NELL1: variants seen among roughly 807,000 people sequenced by gnomAD.
NELL1 encodes protein kinase C-binding protein NELL1.
A neutral mutation model predicts 107.4 loss-of-function variants in NELL1; 76 were observed. The observed-to-expected ratio is 0.71, with a 90% CI of 0.59 to 0.86. The LOEUF is 0.86. Among genes scored for constraint, NELL1 ranks in the 40% least tolerant of loss-of-function variants. NELL1 has a pLI of 0.00. For missense variants in NELL1, 1,024 were observed against 1,005.5 expected (o/e 1.02, Z -0.25); for synonymous variants, 353 against 341.2 (o/e 1.03, Z -0.38).
intron 15 of NELL1, among the ~76,000 whole-genome samples, chr11:21,386,183 CA>C (rs201501809): frequency 3.2e-4 from 48 of 148,872 alleles, no homozygotes; most frequent in African/African-American, 9.8e-4. Context: ...CCACCCCCGC[CA>C]AAAAAAAACC....
chr11:21,457,631 G>A (rs1418843069), intron 15 of NELL1, among the ~76,000 whole-genome samples: 1 of 152,104 alleles, frequency 6.6e-6, no homozygotes, highest in Admixed American at 6.6e-5. Context: ...TCCACTTAGA[G>A]AAATCCAGTG....
chr11:21,560,626 G>C (rs112682008), intron 17 of NELL1, among the ~76,000 whole-genome samples: 4 of 152,156 alleles, frequency 2.6e-5, no homozygotes, highest in African/African-American at 9.6e-5. Context: ...GGCGAAGCAG[G>C]GTAGAAAAGC....
At chr11:20,677,653 G>T (rs533519628) in intron 1 of NELL1, among the ~76,000 whole-genome samples, 1 of 152,166 alleles carries the variant, frequency 6.6e-6, no homozygotes, top group South Asian at 2.1e-4. Flanking sequence ...CTAACACATG[G>T]CACCTTCTGA....
At chr11:20,941,096 G>T (rs1207444029) in intron 10 of NELL1, among the ~76,000 whole-genome samples, 1 of 152,076 alleles carries the variant, frequency 6.6e-6, no homozygotes, top group Non-Finnish European at 1.5e-5. Context: ...CTGAGATTGT[G>T]CCACTGCACT....
intron 4 of NELL1, among the ~76,000 whole-genome samples, chr11:20,862,547 C>T (rs911696211): frequency 1.3e-5 from 2 of 149,092 alleles, no homozygotes; most frequent in African/African-American, 2.5e-5. Context: ...GTCATCTATA[C>T]AGCATCATAG....
At chr11:20,896,308 A>C (rs561778726) in intron 5 of NELL1, among the ~76,000 whole-genome samples, 10 of 152,180 alleles carry the variant, frequency 6.6e-5, no homozygotes, top group African/African-American at 2.2e-4. Flanking sequence ...TGTGAATGCC[A>C]TTATTTCATT....
intron 10 of NELL1, among the ~76,000 whole-genome samples, chr11:20,945,865 G>A (rs1281921758): frequency 6.6e-6 from 1 of 152,170 alleles, no homozygotes; most frequent in African/African-American, 2.4e-5. Context: ...TGAGTAGCAG[G>A]ATCGATTCTC....
chr11:21,369,910 T>C (rs948175813), intron 14 of NELL1, among the ~76,000 whole-genome samples: 1 of 152,100 alleles, frequency 6.6e-6, no homozygotes, highest in Middle Eastern at 3.2e-3. Flanking sequence ...GTAGATTAAT[T>C]CATCTAACAA....
At chr11:21,103,007 C>T (rs534628333) in intron 12 of NELL1, among the ~76,000 whole-genome samples, 3 of 152,288 alleles carry the variant, frequency 2.0e-5, no homozygotes, top group Non-Finnish European at 1.5e-5. Flanking sequence ...TCTAAGGACT[C>T]TCTACATGGC....
chr11:20,834,886 T>G (rs557763953), intron 3 of NELL1, among the ~76,000 whole-genome samples: 1 of 152,242 alleles, frequency 6.6e-6, no homozygotes, highest in South Asian at 2.1e-4. Context: ...TACCTGCCTA[T>G]CAGTCCTAAC....
At chr11:20,831,212 C>T (rs971495233) in intron 3 of NELL1, among the ~76,000 whole-genome samples, 2 of 152,152 alleles carry the variant, frequency 1.3e-5, no homozygotes, top group Admixed American at 1.3e-4. Flanking sequence ...CAATCGTACT[C>T]ATCTTGTAAG....
chr11:20,826,616 AT>A (rs1006988596), intron 3 of NELL1, among the ~76,000 whole-genome samples: 1 of 151,144 alleles, frequency 6.6e-6, no homozygotes, highest in Non-Finnish European at 1.5e-5. Flanking sequence ...CTGGTTAATT[AT>A]TTTTTATTGC....
chr11:21,402,184 G>A (rs899267912), intron 15 of NELL1, among the ~76,000 whole-genome samples: 4 of 151,658 alleles, frequency 2.6e-5, no homozygotes, highest in South Asian at 2.1e-4. Flanking sequence ...CTTTCCTGGC[G>A]TCAACCCATT....
chr11:20,798,208 T>C (rs1282895036), intron 3 of NELL1, among the ~76,000 whole-genome samples: 1 of 152,204 alleles, frequency 6.6e-6, no homozygotes, highest in African/African-American at 2.4e-5. Context: ...AAAATGAGGA[T>C]GTTTTCTGCA....
intron 16 of NELL1, among the ~76,000 whole-genome samples, chr11:21,550,995 G>T (rs10766830): frequency 0.89 from 132,417 of 149,400 alleles, 59,102 homozygotes; most frequent in Middle Eastern, 0.94. Context: ...CTTCCATTTG[G>T]TTTTATCCTC....
intron 2 of NELL1, among the ~76,000 whole-genome samples, chr11:20,751,668 T>A (rs1215632398): frequency 6.6e-6 from 1 of 151,824 alleles, no homozygotes; most frequent in Admixed American, 6.6e-5. Context: ...AAAAAAACTC[T>A]TTTTAGAGAT....
chr11:20,826,021 G>A (rs1174960112), intron 3 of NELL1, among the ~76,000 whole-genome samples: 2 of 151,074 alleles, frequency 1.3e-5, no homozygotes, highest in Non-Finnish European at 3.0e-5. Context: ...GTTTTATAAG[G>A]GGCTTTCCCC....
At chr11:21,284,181 A>G (rs1027093723) in intron 14 of NELL1, 1 of 452,520 alleles carries the variant, frequency 2.2e-6, no homozygotes, top group African/African-American at 2.0e-5. Context: ...AAATCCTTCA[A>G]CAACATGTTG....
At chr11:21,354,207 C>T (rs1850878442) in intron 14 of NELL1, among the ~76,000 whole-genome samples, 1 of 151,956 alleles carries the variant, frequency 6.6e-6, no homozygotes, top group Admixed American at 6.6e-5. Flanking sequence ...TCTGAAAGAC[C>T]AAGTCTCTGC....
Sources: allele counts gnomAD v4.1 joint callset (sites outside exome capture counted in the v4.1 genomes callset), GRCh38; gene constraint gnomAD v4.1.1; transcripts MANE v1.5; gene names NCBI Gene and HGNC (gene_info 2026-07-23, HGNC 2026-07-21).